The following CHERP variants were observed in gnomAD, a reference collection of about 807,000 sequenced individuals.
CHERP encodes calcium homeostasis endoplasmic reticulum protein.
Under a neutral mutation model 113.8 loss-of-function variants are expected in CHERP, and 8 were observed. The ratio of observed to expected loss-of-function variants is 0.07; its 90% CI spans 0.04 to 0.13. The LOEUF (loss-of-function observed/expected upper bound fraction) is 0.13. Among genes scored for constraint, CHERP ranks in the 10% least tolerant of loss-of-function variants. The pLI is 1.00. For synonymous variants in CHERP, 559 were observed against 524.5 expected, an observed-to-expected ratio of 1.07 and a Z score of -0.90; for missense variants, 884 against 1,298.2, an observed-to-expected ratio of 0.68 and a Z score of 4.90.
chr19:16,527,092 G>C (rs2122259882), intron 9 of CHERP, among the ~76,000 whole-genome samples: 1 of 152,364 alleles, frequency 6.6e-6, no homozygotes, highest in South Asian at 2.1e-4. Context: ...GTGGACTGCA[G>C]GATGCACTGC....
At position 16,525,810 on chromosome 19, in the gene CHERP, C is replaced by CG; in HGVS notation, c.1306-134_1306-133insC. On this transcript the variant is annotated intron_variant, in intron 9 of 16. Coordinates refer to ENST00000546361, the MANE Select transcript of CHERP (RefSeq NM_006387.6). This position sits in a 1 kb window ranked among gnomAD's most constrained non-coding sequence, Gnocchi z 6.5. ...TGCCCTGGCCACGTTGAGGCGCCTC[C>CG]TACGCTGACGCCTGCGAGGATGCTG... The CG allele has an allele frequency of 1.3e-6, 1 of 778,726 alleles. No homozygotes were observed. The highest frequency in any genetic ancestry group is 3.1e-5 in the East Asian group (1 of 32,046). The allele number at this position is 778,726 out of a possible 1,614,324, so 48.2% of individuals were successfully genotyped here.
rs1211791786 is a variant in CHERP, at chr19:16,525,457, T to C, written c.1526A>G (p.Gln509Arg). 4 of 1,546,920 alleles carry C rather than the reference T, an allele frequency of 2.6e-6. No homozygotes were observed. Among genetic ancestry groups the C allele is most frequent in the Non-Finnish European group, 3.5e-6 (4 of 1,146,076 alleles). ...QHEQPPWGGG[Q>R]REPPFRMQRP... ...CTGCATGCGGAAGGGTGGCTCGCGC[T>C]GGCCCCCGCCCCAGGGCGGCTGCTC... The change falls in exon 10 of 17, where the codon CAG becomes CGG. Residue 509 changes from glutamine (Q) to arginine (R), a missense_variant. Coordinates refer to ENST00000546361, the MANE Select transcript of CHERP (RefSeq NM_006387.6). The surrounding 1 kb of genome is among the most constrained non-coding windows in gnomAD (Gnocchi z 6.5).
At chr19:16,521,808 C>T (rs959462239) in intron 11 of CHERP, among the ~76,000 whole-genome samples, 154 bp from the exon 12 acceptor site, 1 of 152,130 alleles carries the variant, frequency 6.6e-6, no homozygotes, top group Non-Finnish European at 1.5e-5. Context: ...TTGGGGATCC[C>T]ACTCTCTTGT....
intron 2 of CHERP, among the ~76,000 whole-genome samples, chr19:16,539,192 G>C (rs1355450394): frequency 6.9e-6 from 1 of 145,902 alleles, no homozygotes; most frequent in African/African-American, 2.6e-5. Context: ...CTGTCGCCCA[G>C]GCTGGAGTGC....
rs1184527843 is a variant in CHERP at position 16,520,113 on chromosome 19, A to G, written c.2462+36T>C. 4 of 1,589,786 alleles carry G rather than the reference A, an allele frequency of 2.5e-6. No individual in the cohort carries two copies. In the African/African-American group the frequency reaches 5.4e-5, roughly 21 times the overall value. Reference sequence around the variant, plus strand: ...TCACAGCAAAGCACCGCAGCTTCCCAGAGTTACCAGCGCAGCACTTAAGAC... The same window carrying G: ...TCACAGCAAAGCACCGCAGCTTCCCGGAGTTACCAGCGCAGCACTTAAGAC... On this transcript the variant is annotated intron_variant, in intron 15 of 16. Coordinates refer to ENST00000546361, the MANE Select transcript of CHERP (RefSeq NM_006387.6). This position sits in a 1 kb window ranked among gnomAD's most constrained non-coding sequence, Gnocchi z 4.0.
In CHERP at chr19:16,532,252, A is replaced by C. The variant is rs1299032453; in HGVS notation, c.674+346T>G. 8.0e-6 allele frequency: 2 copies of C among 248,688 alleles called. No individual in the cohort carries two copies. Among genetic ancestry groups the C allele is most frequent in the South Asian group, 7.8e-5 (1 of 12,766 alleles). 15.4% of individuals were successfully genotyped at this position (248,688 alleles called of 1,614,324 possible). A position where few individuals can be genotyped will look rare whatever the true frequency, so the allele number is the denominator to read the frequency against. On this transcript the variant is annotated intron_variant, in intron 5 of 16. Transcript: ENST00000546361. This position sits in a 1 kb window ranked among gnomAD's most constrained non-coding sequence, Gnocchi z 4.4. ...CAGGAGACAGACACAGAGGCCAAGG[A>C]GGCCGTGGCTGAGAAGGCAACAAGG...
At chr19:16,539,298 C>T (rs933923084) in intron 2 of CHERP, among the ~76,000 whole-genome samples, 3 of 152,002 alleles carry the variant, frequency 2.0e-5, no homozygotes, top group African/African-American at 7.3e-5. Flanking sequence ...CAGGCGCCCG[C>T]TACCACGCCT....
At chr19:16,540,427 C>T (rs2085770943) in intron 2 of CHERP, among the ~76,000 whole-genome samples, 1 of 146,512 alleles carries the variant, frequency 6.8e-6, no homozygotes, top group African/African-American at 2.5e-5. Flanking sequence ...GGCTGGAGCG[C>T]AATGGTGTGG....
chr19:16,528,636 T>C (rs1357413511), intron 8 of CHERP, among the ~76,000 whole-genome samples: 1 of 152,204 alleles, frequency 6.6e-6, no homozygotes, highest in Non-Finnish European at 1.5e-5. Flanking sequence ...CAACAAATCT[T>C]CTTTGATCAG....
intron 3 of CHERP, 57 bp from the exon 4 acceptor site, chr19:16,533,205 C>A (rs2085719030): frequency 1.3e-6 from 2 of 1,533,016 alleles, no homozygotes; most frequent in African/African-American, 1.4e-5. Flanking sequence ...GCAGCCTGAG[C>A]CCTCCGGCCT....
In CHERP at chr19:16,523,651, A is replaced by G. The variant is rs1444550218; in HGVS notation, c.1742-361T>C. Among the ~76,000 whole-genome samples, 4 of 152,152 alleles carry G rather than the reference A, an allele frequency of 2.6e-5. No individual in the cohort carries two copies. The highest frequency in any genetic ancestry group is 9.7e-5 in the African/African-American group (4 of 41,426). On this transcript the variant is annotated intron_variant, in intron 10 of 16. Transcript: ENST00000546361. The surrounding 1 kb of genome is among the most constrained non-coding windows in gnomAD (Gnocchi z 4.0). ...GGAGACAGAGCCTTCAAAGACACAA[A>G]TGAGTTAAAATGAAGCCATAGTGGC...
intron 2 of CHERP, chr19:16,539,677 AT>A (rs1034585572): frequency 6.6e-6 from 1 of 151,858 alleles, no homozygotes; most frequent in African/African-American, 2.4e-5. Flanking sequence ...ATACAAGCAC[AT>A]TCTTTTATTA....
At chr19:16,537,493 C>G (rs1204111419) in intron 2 of CHERP, among the ~76,000 whole-genome samples, 2 of 151,964 alleles carry the variant, frequency 1.3e-5, no homozygotes, top group Non-Finnish European at 2.9e-5. Context: ...AACTGCACGG[C>G]CCACTGTGTT....
rs1286493206 is a variant in CHERP at position 16,535,763 on chromosome 19, T to C, written c.200-127A>G. 4.5e-6 allele frequency: 4 copies of C among 886,054 alleles called. No individual in the cohort carries two copies. The highest frequency in any genetic ancestry group is 1.7e-5 in the African/African-American group (1 of 58,320). 54.9% of individuals were successfully genotyped at this position (886,054 alleles called of 1,614,324 possible). ...CTCACCATCCACGAGGGCCTGTTCA[T>C]AGCCTCATGCCCACGCAAACCAGCT... On this transcript the variant is annotated intron_variant, in intron 2 of 16. Transcript: ENST00000546361. The surrounding 1 kb of genome is among the most constrained non-coding windows in gnomAD (Gnocchi z 4.3).
In CHERP at chr19:16,532,965, G is replaced by A. The variant is rs748740037; in HGVS notation, c.522+46C>T. ...TGGCTACGACAGGCCCTGCCTCAGGGAGGGACCAAGGGAAAGCTGGGCTCT... is the reference window on the plus strand; with the variant it reads ...TGGCTACGACAGGCCCTGCCTCAGGAAGGGACCAAGGGAAAGCTGGGCTCT... On this transcript the variant is annotated intron_variant, in intron 4 of 16. Transcript: ENST00000546361. The surrounding 1 kb of genome is among the most constrained non-coding windows in gnomAD (Gnocchi z 4.4). 55 of 1,554,364 alleles carry A rather than the reference G, an allele frequency of 3.5e-5. 1 individual carries two copies. Among genetic ancestry groups the A allele is most frequent in the Non-Finnish European group, 4.6e-5 (53 of 1,148,002 alleles).
At position 16,535,022 on chromosome 19, in the gene CHERP, G is replaced by C. The variant is rs1378091087; in HGVS notation, c.384+430C>G. Among the ~76,000 whole-genome samples the C allele has an allele frequency of 6.6e-6, 1 of 151,982 alleles. No homozygotes were observed. The highest frequency in any genetic ancestry group is 6.5e-5 in the Admixed American group (1 of 15,278). ...ACTCGGGAGGTAGGGGCTGCAGTGA[G>C]CTGAGATCACGCCTCTGCACTCCAG... On this transcript the variant is annotated intron_variant, in intron 3 of 16. Coordinates refer to ENST00000546361, the MANE Select transcript of CHERP (RefSeq NM_006387.6). The surrounding 1 kb of genome is among the most constrained non-coding windows in gnomAD (Gnocchi z 4.3).
In CHERP at chr19:16,520,960, AG is replaced by A; in HGVS notation, c.2115-49del. 1 of 1,533,448 alleles carries A rather than the reference AG, an allele frequency of 6.5e-7. No homozygotes were observed. Among genetic ancestry groups the A allele is most frequent in the Non-Finnish European group, 9.0e-7 (1 of 1,108,440 alleles). The allele number at this position is 1,533,448 out of a possible 1,614,324, so 95.0% of individuals were successfully genotyped here. ...TGTGACCACGTGACACCCACCCACA[AG>A]GAAGTCGTGAAAAAGTCATCAGGAG... is the stretch of plus-strand genomic sequence containing the variant. On this transcript the variant is annotated intron_variant, in intron 12 of 16. Coordinates refer to ENST00000546361, the MANE Select transcript of CHERP (RefSeq NM_006387.6). This position sits in a 1 kb window ranked among gnomAD's most constrained non-coding sequence, Gnocchi z 4.0.
chr19:16,520,536 C>T lies in CHERP; in HGVS notation c.2202-29G>A, dbSNP rs1166666842. 2.7e-5 allele frequency: 43 copies of T among 1,599,230 alleles called. No individual in the cohort carries two copies. Among genetic ancestry groups the T allele is most frequent in the Non-Finnish European group, 3.5e-5 (41 of 1,172,070 alleles). Reference sequence around the variant, plus strand: ...TGGGGAGAGGCCTGATGATCAGGTGCCCCAGTGGATGGGCTGCACCCAGCC... The same window carrying T: ...TGGGGAGAGGCCTGATGATCAGGTGTCCCAGTGGATGGGCTGCACCCAGCC... On this transcript the variant is annotated intron_variant, in intron 13 of 16. Transcript: ENST00000546361. This position sits in a 1 kb window ranked among gnomAD's most constrained non-coding sequence, Gnocchi z 4.0.
chr19:16,519,834 T>C lies in CHERP; in HGVS notation c.2463-119A>G. 3 of 908,946 alleles carry C rather than the reference T, an allele frequency of 3.3e-6. No individual in the cohort carries two copies. In the South Asian group the frequency reaches 4.1e-5, roughly 13 times the overall value. 56.3% of individuals were successfully genotyped at this position (908,946 alleles called of 1,614,324 possible). On this transcript the variant is annotated intron_variant, in intron 15 of 16. Coordinates refer to ENST00000546361, the MANE Select transcript of CHERP (RefSeq NM_006387.6). The surrounding 1 kb of genome is among the most constrained non-coding windows in gnomAD (Gnocchi z 6.0). Reference sequence around the variant, plus strand: ...TGCTCACTGTCACCAGGTGACACCGTATGCAGATTTTGCGTCTCTACCCGT... The same window carrying C: ...TGCTCACTGTCACCAGGTGACACCGCATGCAGATTTTGCGTCTCTACCCGT...
Sources: gnomAD v4.1 joint callset for allele counts (sites outside exome capture counted in the v4.1 genomes callset) on GRCh38, gnomAD v4.1.1 for gene constraint, Gnocchi (gnomAD v3.1) non-coding constraint, MANE v1.5 for transcripts, NCBI Gene and HGNC (gene_info 2026-07-23, HGNC 2026-07-21) for gene names.